GPR35: variants seen among roughly 807,000 people sequenced by gnomAD.
GPR35 encodes the protein KYNA receptor.
For synonymous variants in GPR35, 207 were observed against 198.4 expected (o/e 1.04, Z -0.36); for missense variants, 372 against 422.5 (o/e 0.88, Z 1.05).
Position 240,630,958 on chromosome 2 carries a change from A to G in GPR35, c.*76A>G, listed in dbSNP as rs2043441135. 1.6e-6 allele frequency: 2 copies of G among 1,258,636 alleles called. No individual in the cohort carries two copies. The highest frequency in any genetic ancestry group is 2.6e-5 in the South Asian group (2 of 75,970). The allele number at this position is 1,258,636 out of a possible 1,614,324, so 78.0% of individuals were successfully genotyped here. ...CTGCCTGCCAGGGGAAGCTGGAACCAGTAGCAAGGAGCCCGAGATCAGCCC... is the reference window on the plus strand; with the variant it reads ...CTGCCTGCCAGGGGAAGCTGGAACCGGTAGCAAGGAGCCCGAGATCAGCCC... On this transcript the variant is annotated 3_prime_UTR_variant, in exon 2 of 2. Coordinates refer to ENST00000407714, the MANE Select transcript of GPR35 (RefSeq NM_005301.5).
intron 2 of GPR35, among the ~76,000 whole-genome samples, chr2:240,612,860 G>A (rs149469172): frequency 6.6e-6 from 1 of 152,380 alleles, no homozygotes; most frequent in Non-Finnish European, 1.5e-5. Context: ...ATCCCAGCCT[G>A]CAGGGCCTCC....
At chr2:240,623,588 G>A (rs1267517408), upstream of GPR35, among the ~76,000 whole-genome samples, 1 of 152,136 alleles carries the variant, frequency 6.6e-6, no homozygotes, top group Non-Finnish European at 1.5e-5. Context: ...CTCTGGAGGG[G>A]CCCGGGCAAG....
At chr2:240,608,153 A>C (rs1014430523) in intron 2 of GPR35, among the ~76,000 whole-genome samples, 12 of 152,124 alleles carry the variant, frequency 7.9e-5, no homozygotes, top group African/African-American at 2.9e-4. Context: ...CAGCCTCCCC[A>C]CATGTTGGGA....
rs557161738 is a variant in GPR35 at position 240,612,074 on chromosome 2, G to C, written c.-576-4314G>C. Among the ~76,000 whole-genome samples, 7 of 152,102 alleles carry C rather than the reference G, an allele frequency of 4.6e-5. No individual in the cohort carries two copies. The South Asian group carries it at 1.5e-3, about 32-fold the overall frequency. The stretch of plus-strand genomic sequence containing the variant: ...GGATGTTTCAGGGCAAAGTGCAAGG[G>C]GGCCTCAAAGATCATCTTAAGTTCT... On this transcript the variant is annotated intron_variant, in intron 2 of 5. Coordinates refer to the GPR35 transcript ENST00000319838.
upstream of GPR35, chr2:240,625,101 G>A (rs1468379949): frequency 3.0e-5 from 6 of 201,930 alleles, no homozygotes; most frequent in African/African-American, 4.7e-5. Context: ...GCTGGGGAGG[G>A]CGAGCTGACC....
upstream of GPR35, among the ~76,000 whole-genome samples, chr2:240,623,337 GGTC>G (rs1299328578): frequency 1.7e-4 from 25 of 145,114 alleles, no homozygotes; most frequent in Non-Finnish European, 3.4e-4. Flanking sequence ...GGCGCAAACA[GGTC>G]GTGAGGGCGC....
chr2:240,621,789 C>G (rs564747881), upstream of GPR35, among the ~76,000 whole-genome samples: 204 of 152,300 alleles, frequency 1.3e-3, 1 homozygote, highest in Admixed American at 2.7e-3. Context: ...GGGGAACACC[C>G]CAGCTTTAAC....
In GPR35 at chr2:240,630,555, G is replaced by A; in HGVS notation, c.603G>A (p.Arg201=). ...SLKVVTALAQ[R]PPTDVGQAEA... Reference sequence around the variant, plus strand: ...AGGTGGTGACTGCCCTGGCCCAGAGGCCACCCACCGACGTGGGGCAGGCAG... The same window carrying A: ...AGGTGGTGACTGCCCTGGCCCAGAGACCACCCACCGACGTGGGGCAGGCAG... Residue 201 remains arginine, a synonymous_variant, in exon 2 of 2, where the codon AGG becomes AGA. Coordinates refer to ENST00000407714, the MANE Select transcript of GPR35 (RefSeq NM_005301.5). 1 of 1,612,888 alleles carries A rather than the reference G, an allele frequency of 6.2e-7. No homozygotes were observed.
At position 240,631,587 on chromosome 2, in the gene GPR35, G is replaced by A. The variant is rs946800246; in HGVS notation, c.*705G>A. The stretch of plus-strand genomic sequence containing the variant: ...AGGTGAGGGTGGGTTGGGGTGGGTG[G>A]CAGTGAAGGGGGTGGCCAGGGTCTG... On this transcript the variant is annotated 3_prime_UTR_variant, in exon 2 of 2. Transcript: ENST00000407714. Among the ~76,000 whole-genome samples, 15 of 152,036 alleles carry A rather than the reference G, an allele frequency of 9.9e-5. No individual in the cohort carries two copies. Among genetic ancestry groups the A allele is most frequent in the Non-Finnish European group, 8.8e-5 (6 of 67,966 alleles).
chr2:240,623,471 G>A (rs529233006), upstream of GPR35, among the ~76,000 whole-genome samples: 3 of 78,352 alleles, frequency 3.8e-5, no homozygotes, highest in African/African-American at 7.3e-5. Context: ...GTGCAAACAG[G>A]TCGTGAGGGC....
intron 1 of GPR35, chr2:240,629,623 G>A (rs990715007): frequency 1.9e-5 from 5 of 262,664 alleles, no homozygotes; most frequent in Non-Finnish European, 3.6e-5. Flanking sequence ...CAGGATTTGC[G>A]CTCTGGAGGG....
At chr2:240,611,912 C>A (rs1409834310) in intron 2 of GPR35, among the ~76,000 whole-genome samples, 1 of 151,914 alleles carries the variant, frequency 6.6e-6, no homozygotes, top group Non-Finnish European at 1.5e-5. Flanking sequence ...CCTGAGGAGC[C>A]CCAACATTTT....
At chr2:240,616,468 C>T in exon 3 of GPR35, 1 of 780,838 alleles carries the variant, frequency 1.3e-6, no homozygotes, top group Non-Finnish European at 2.4e-6. Context: ...GCCTGCCAAT[C>T]TCCTGTCGAC....
At chr2:240,622,296 C>T (rs547499316), upstream of GPR35, among the ~76,000 whole-genome samples, 52 of 152,292 alleles carry the variant, frequency 3.4e-4, no homozygotes, top group South Asian at 6.2e-4. Flanking sequence ...CTGTAAACAT[C>T]GTATGACCAT....
chr2:240,629,865 T>C, intron 1 of GPR35, 84 bp from the exon 2 acceptor site: 1 of 1,222,790 alleles, frequency 8.2e-7, no homozygotes, highest in Non-Finnish European at 1.1e-6. Flanking sequence ...CCCACATCCC[T>C]GCCCAGAGGT....
intron 2 of GPR35, among the ~76,000 whole-genome samples, chr2:240,612,825 A>T (rs1249129293): frequency 6.6e-6 from 1 of 152,178 alleles, no homozygotes; most frequent in Non-Finnish European, 1.5e-5. Context: ...CGTGGGTGAG[A>T]ACCGTGGCCA....
upstream of GPR35, among the ~76,000 whole-genome samples, chr2:240,622,350 A>G (rs1575465632): frequency 2.0e-5 from 3 of 152,168 alleles, no homozygotes; most frequent in Non-Finnish European, 2.9e-5. Flanking sequence ...CTCAAGGTGG[A>G]GCTGAACGTA....
chr2:240,628,792 A>G (rs1446719179), intron 1 of GPR35: 1 of 152,260 alleles, frequency 6.6e-6, no homozygotes, highest in African/African-American at 2.4e-5. Context: ...GATGCCCCAG[A>G]GGACAGCCTG....
chr2:240,612,090 C>A (rs1198090031), intron 2 of GPR35, among the ~76,000 whole-genome samples: 2 of 151,964 alleles, frequency 1.3e-5, no homozygotes, highest in African/African-American at 4.8e-5. Flanking sequence ...CAAAGATCAT[C>A]TTAAGTTCTG....
Sources: allele counts gnomAD v4.1 joint callset (sites outside exome capture counted in the v4.1 genomes callset), GRCh38; gene constraint gnomAD v4.1.1; transcripts MANE v1.5; gene names NCBI Gene and HGNC (gene_info 2026-07-23, HGNC 2026-07-21).